Variants in CLPTM1L observed in about 807,000 individuals in gnomAD.
CLPTM1L encodes the protein lipid scramblase CLPTM1L.
Under a neutral mutation model 70.9 loss-of-function variants are expected in CLPTM1L, and 38 were observed. The ratio of observed to expected loss-of-function variants is 0.54; its 90% CI spans 0.41 to 0.70. The LOEUF is 0.70. Ranked by LOEUF, CLPTM1L falls within the 30% of genes least tolerant of loss-of-function variation. CLPTM1L has a pLI of 0.00. For missense variants in CLPTM1L, 652 were observed against 705.9 expected (o/e 0.92, Z 0.87); for synonymous variants, 339 against 299.9 (o/e 1.13, Z -1.35).
At chr5:1,341,939 C>T in intron 2 of CLPTM1L, 79 bp from the exon 3 acceptor site, 2 of 1,195,846 alleles carry the variant, frequency 1.7e-6, no homozygotes, top group South Asian at 1.5e-5. Flanking sequence ...CTTTATAAAG[C>T]TGCTTCAATA....
At position 1,330,297 on chromosome 5, in the gene CLPTM1L, C is replaced by T; in HGVS notation, c.1063G>A (p.Val355Ile). ...GAACTCACCTCAATGGCGGCTCCAA[C>T]ACCCGCCGGGACCAGCACCAGCAGG... Reference protein sequence around the residue: ...TSLLVLVPAGVGAAIELWKVK... With the variant: ...TSLLVLVPAGIGAAIELWKVK... The change falls in exon 9 of 17, where the codon GTT becomes ATT. Residue 355 changes from valine to isoleucine, a missense_variant. By Grantham distance (29) the Val-to-Ile change is conservative. Coordinates refer to ENST00000320895, the MANE Select transcript of CLPTM1L (RefSeq NM_030782.5). The T allele has an allele frequency of 6.2e-7, 1 of 1,612,694 alleles. No homozygotes were observed. Among genetic ancestry groups the T allele is most frequent in the Non-Finnish European group, 8.5e-7 (1 of 1,179,872 alleles).
chr5:1,333,664 TGAGGA>T (rs1561244416), intron 7 of CLPTM1L, among the ~76,000 whole-genome samples: 224 of 19,076 alleles, frequency 0.012, no homozygotes, highest in Non-Finnish European at 0.017. Flanking sequence ...ACACACCGGC[TGAGGA>T]TAAGGGGGGA....
intron 10 of CLPTM1L, chr5:1,325,054 G>A (rs1752432968): frequency 1.7e-6 from 1 of 586,854 alleles, no homozygotes; most frequent in Non-Finnish European, 3.0e-6. Context: ...CCTCACTGCT[G>A]TTCCTTGCTC....
Position 1,325,823 on chromosome 5 carries a change from G to A in CLPTM1L, c.1081-7C>T, listed in dbSNP as rs756276945. 1.1e-5 allele frequency: 18 copies of A among 1,613,066 alleles called. No homozygotes were observed. The East Asian group carries it at 2.7e-4, about 24-fold the overall frequency. On this transcript the variant is annotated splice_region_variant and splice_polypyrimidine_tract_variant and intron_variant, in intron 9 of 16. Transcript: ENST00000320895. ...CCTTCTTCACTTTCCACAGCTGAGG[G>A]GAGAAATCAGGAAATAGTTCCTTTA...
intron 3 of CLPTM1L, among the ~76,000 whole-genome samples, chr5:1,341,037 A>G (rs374380119): frequency 2.0e-5 from 3 of 152,176 alleles, no homozygotes; most frequent in African/African-American, 7.2e-5. Context: ...AAGTGCTGGG[A>G]TTACAGGCAT....
rs1405982104 is a variant in CLPTM1L, at chr5:1,337,913, C to T, written c.669G>A (p.Lys223=). 1.9e-6 allele frequency: 3 copies of T among 1,599,588 alleles called. No individual in the cohort carries two copies. Among genetic ancestry groups the T allele is most frequent in the Non-Finnish European group, 2.6e-6 (3 of 1,174,798 alleles). Residue 223 remains lysine, a synonymous_variant, in exon 5 of 17, where the codon AAG becomes AAA. Transcript: ENST00000320895. The part of the protein sequence containing the change: ...LFIDQLSNRV[K]DLMVINRSTT... ...CAGAGGTGTCACTCACCATCAGGTC[C>T]TTCACGCGGTTGCTGAGCTGGTCGA... is the stretch of plus-strand genomic sequence containing the variant.
intron 3 of CLPTM1L, among the ~76,000 whole-genome samples, chr5:1,339,634 G>A (rs1164133016): frequency 4.6e-5 from 4 of 87,330 alleles, no homozygotes; most frequent in South Asian, 3.4e-4. Context: ...AACTGTGCTC[G>A]GGACAGCAGG....
At chr5:1,320,298 C>A (rs930822854) in intron 16 of CLPTM1L, 5 of 254,610 alleles carry the variant, frequency 2.0e-5, no homozygotes, top group African/African-American at 4.5e-5. Context: ...CTGTTCTGCT[C>A]AATAGCAATG....
In CLPTM1L at chr5:1,318,504, T is replaced by C; in HGVS notation, c.1533-51A>G. On this transcript the variant is annotated intron_variant, in intron 16 of 16. Transcript: ENST00000320895. The surrounding 1 kb of genome is among the most constrained non-coding windows in gnomAD (Gnocchi z 8.9). ...AGCAAACCCCACTGCAGGGGCTATT[T>C]TTCTAAGAGGAGGACTTGGCATCCT... The C allele has an allele frequency of 6.9e-7, 1 of 1,454,132 alleles. No homozygotes were observed. The highest frequency in any genetic ancestry group is 9.6e-7 in the Non-Finnish European group (1 of 1,039,762). 90.1% of individuals were successfully genotyped at this position (1,454,132 alleles called of 1,614,324 possible).
At position 1,337,918 on chromosome 5, in the gene CLPTM1L, C is replaced by A. The variant is rs142254650; in HGVS notation, c.664G>T (p.Val222Leu). 2.2e-5 allele frequency: 35 copies of A among 1,601,912 alleles called. No individual in the cohort carries two copies. The highest frequency in any genetic ancestry group is 2.4e-5 in the Non-Finnish European group (28 of 1,175,832). ...GTGTCACTCACCATCAGGTCCTTCA[C>A]GCGGTTGCTGAGCTGGTCGATGAAC... ...ILFIDQLSNR[V>L]KDLMVINRST... Residue 222 changes from valine (V) to leucine (L), a missense_variant, in exon 5 of 17, where the codon GTG (valine) becomes TTG (leucine). Transcript: ENST00000320895.
intron 5 of CLPTM1L, among the ~76,000 whole-genome samples, chr5:1,336,952 C>T (rs531792045): frequency 1.3e-3 from 200 of 152,282 alleles, no homozygotes; most frequent in Middle Eastern, 6.8e-3. Flanking sequence ...TGCACCCCCC[C>T]GCTAGCAAGC....
chr5:1,334,479 C>T (rs1561245918), intron 6 of CLPTM1L, 96 bp from the exon 7 acceptor site: 14 of 834,568 alleles, frequency 1.7e-5, no homozygotes, highest in South Asian at 1.1e-4. Flanking sequence ...TTAGGCCGGG[C>T]GCAGTGGCTC....
chr5:1,331,393 C>G, intron 8 of CLPTM1L: 1 of 240,812 alleles, frequency 4.2e-6, no homozygotes, highest in Non-Finnish European at 8.2e-6. Context: ...CTGCGCTGGT[C>G]GGGGAAGGAA....
At position 1,324,013 on chromosome 5, in the gene CLPTM1L, G is replaced by GAA. The variant is rs1016685066; in HGVS notation, c.1198-145_1198-144insTT. ...AGGGCTGCTCTGCAGGGGGCGGCGT[G>GAA]AGGGGCACAGGCAGGGCATCGCACA... On this transcript the variant is annotated intron_variant, in intron 11 of 16. Coordinates refer to ENST00000320895, the MANE Select transcript of CLPTM1L (RefSeq NM_030782.5). 6.2e-5 allele frequency: 41 copies of GAA among 658,076 alleles called. No homozygotes were observed. The African/African-American group carries it at 7.0e-4, about 11-fold the overall frequency. The allele number at this position is 658,076 out of a possible 1,614,324, so 40.8% of individuals were successfully genotyped here.
At chr5:1,326,272 C>A (rs1752533318) in intron 9 of CLPTM1L, 1 of 256,880 alleles carries the variant, frequency 3.9e-6, no homozygotes, top group South Asian at 4.7e-5. Context: ...TATGGAGGGA[C>A]CCTGCCTGTG....
intron 7 of CLPTM1L, among the ~76,000 whole-genome samples, chr5:1,332,877 T>C (rs985048937): frequency 3.9e-5 from 6 of 152,218 alleles, no homozygotes; most frequent in African/African-American, 7.2e-5. Context: ...ATGAGGGTCT[T>C]TGAACACACC....
intron 10 of CLPTM1L, chr5:1,325,068 T>G: frequency 1.7e-6 from 1 of 574,690 alleles, no homozygotes; most frequent in African/African-American, 1.9e-5. Flanking sequence ...CTTGCTCAGG[T>G]GGCTCAGTTT....
intron 2 of CLPTM1L, among the ~76,000 whole-genome samples, chr5:1,343,472 C>T (rs1363846532): frequency 1.3e-5 from 2 of 152,164 alleles, no homozygotes; most frequent in South Asian, 2.1e-4. Flanking sequence ...GTACACGGCC[C>T]GGCACGGAAG....
rs1406085735 is a variant in CLPTM1L, at chr5:1,318,269, C to T, written c.*100G>A. The T allele has an allele frequency of 3.2e-6, 3 of 946,686 alleles. No homozygotes were observed. The highest frequency in any genetic ancestry group is 5.0e-6 in the Non-Finnish European group (3 of 602,640). The allele number at this position is 946,686 out of a possible 1,614,324, so 58.6% of individuals were successfully genotyped here. ...TGAGAAATGTCCGAAGGGATTTTGG[C>T]AACACAGAAAACGCAATGTCTAGGA... On this transcript the variant is annotated 3_prime_UTR_variant, in exon 17 of 17. Transcript: ENST00000320895. This position sits in a 1 kb window ranked among gnomAD's most constrained non-coding sequence, Gnocchi z 8.9.
Sources: gnomAD v4.1 joint callset for allele counts (sites outside exome capture counted in the v4.1 genomes callset) on GRCh38, gnomAD v4.1.1 for gene constraint, Gnocchi (gnomAD v3.1) non-coding constraint, MANE v1.5 for transcripts, NCBI Gene and HGNC (gene_info 2026-07-23, HGNC 2026-07-21) for gene names.